The following ZBTB20 variants were observed in gnomAD, a reference collection of about 807,000 sequenced individuals.
ZBTB20 encodes zinc finger and BTB domain-containing protein 20.
A neutral mutation model predicts 56.9 loss-of-function variants in ZBTB20; 9 were observed. The observed-to-expected ratio is 0.16, with a 90% CI of 0.10 to 0.28. The LOEUF (loss-of-function observed/expected upper bound fraction) is 0.28. Among genes scored for constraint, ZBTB20 ranks in the 10% least tolerant of loss-of-function variants. The pLI, the probability that ZBTB20 is intolerant of heterozygous loss-of-function variation, is 1.00. For synonymous variants in ZBTB20, 417 were observed against 420.7 expected, an observed-to-expected ratio of 0.99 and a Z score of 0.11; for missense variants, 655 against 1,003.0, an observed-to-expected ratio of 0.65 and a Z score of 4.69.
intron 2 of ZBTB20, among the ~76,000 whole-genome samples, chr3:115,012,914 A>G (rs187138181): frequency 6.6e-6 from 1 of 151,834 alleles, no homozygotes; most frequent in African/African-American, 2.4e-5. Flanking sequence ...ACCAAGAGGA[A>G]TTCTGGAAAC....
chr3:114,972,976 T>C (rs2077949633), intron 3 of ZBTB20, among the ~76,000 whole-genome samples: 2 of 152,088 alleles, frequency 1.3e-5, no homozygotes, highest in South Asian at 4.1e-4. Flanking sequence ...AAATAAATAA[T>C]CTTATGGGGC....
At chr3:114,621,920 T>C (rs903495941) in intron 6 of ZBTB20, among the ~76,000 whole-genome samples, 1 of 152,198 alleles carries the variant, frequency 6.6e-6, no homozygotes, top group African/African-American at 2.4e-5. Flanking sequence ...TTCAATTTAG[T>C]CATGAAATTC....
intron 4 of ZBTB20, among the ~76,000 whole-genome samples, chr3:114,820,029 T>C (rs1474150436): frequency 6.6e-6 from 1 of 151,934 alleles, no homozygotes; most frequent in Non-Finnish European, 1.5e-5. Flanking sequence ...AGAATGTAGT[T>C]AGAAAAGCAC....
chr3:114,616,288 G>C (rs1377063078), intron 6 of ZBTB20, among the ~76,000 whole-genome samples: 1 of 152,170 alleles, frequency 6.6e-6, no homozygotes, highest in Non-Finnish European at 1.5e-5. Context: ...TAGCAAAAAT[G>C]AATGCAGCAA....
intron 5 of ZBTB20, among the ~76,000 whole-genome samples, chr3:114,708,803 C>CA (rs527816850): frequency 4.7e-4 from 71 of 152,144 alleles, no homozygotes; most frequent in African/African-American, 1.7e-3. Flanking sequence ...ACACAAAGTG[C>CA]AAAAAGACCA....
intron 4 of ZBTB20, among the ~76,000 whole-genome samples, chr3:114,851,894 T>C (rs1212654384): frequency 1.3e-5 from 2 of 152,162 alleles, no homozygotes; most frequent in African/African-American, 4.8e-5. Context: ...AAAAATTAAT[T>C]TTAAAAAGTT....
intron 6 of ZBTB20, among the ~76,000 whole-genome samples, chr3:114,688,660 T>C (rs2062502047): frequency 6.6e-6 from 1 of 152,134 alleles, no homozygotes; most frequent in South Asian, 2.1e-4. Flanking sequence ...AACAAAGACA[T>C]GATTAACCGA....
At chr3:115,103,903 G>C (rs988511405) in intron 1 of ZBTB20, among the ~76,000 whole-genome samples, 1 of 152,124 alleles carries the variant, frequency 6.6e-6, no homozygotes, top group Non-Finnish European at 1.5e-5. Context: ...TAAAGGTAAT[G>C]AAAAGACAAG....
intron 4 of ZBTB20, among the ~76,000 whole-genome samples, chr3:114,859,875 T>A (rs973413467): frequency 2.6e-5 from 4 of 152,280 alleles, no homozygotes; most frequent in Non-Finnish European, 4.4e-5. Flanking sequence ...TATATATAGG[T>A]TGAAATCTGA....
intron 3 of ZBTB20, among the ~76,000 whole-genome samples, chr3:114,906,868 T>G (rs2075338825): frequency 1.3e-5 from 2 of 151,808 alleles, no homozygotes; most frequent in South Asian, 4.2e-4. Context: ...TAGCGAGAAT[T>G]TCACAGCAGT....
chr3:114,729,956 A>ATTTTT (rs1229757252), intron 5 of ZBTB20, among the ~76,000 whole-genome samples: 35 of 119,410 alleles, frequency 2.9e-4, no homozygotes, highest in Non-Finnish European at 4.2e-4. Flanking sequence ...CATCCGGCTA[A>ATTTTT]TTTTTTTTTT....
intron 5 of ZBTB20, among the ~76,000 whole-genome samples, chr3:114,699,809 T>C (rs1436961434): frequency 6.6e-6 from 1 of 152,138 alleles, no homozygotes; most frequent in African/African-American, 2.4e-5. Flanking sequence ...AGAACTTACC[T>C]GTTCTTCTTC....
chr3:115,026,694 A>C (rs2080439531), intron 2 of ZBTB20, among the ~76,000 whole-genome samples: 1 of 150,696 alleles, frequency 6.6e-6, no homozygotes, highest in African/African-American at 2.4e-5. Flanking sequence ...AAAACATGTA[A>C]ATCATTTGTA....
chr3:114,388,478 G>A (rs2085421745), intron 8 of ZBTB20: 1 of 152,264 alleles, frequency 6.6e-6, no homozygotes, highest in Admixed American at 6.6e-5. Flanking sequence ...GAGCAGAGGT[G>A]AGCTGGATAC....
intron 6 of ZBTB20, among the ~76,000 whole-genome samples, chr3:114,604,442 G>A (rs1374610988): frequency 2.0e-5 from 3 of 151,832 alleles, no homozygotes; most frequent in Admixed American, 6.6e-5. Flanking sequence ...AAGTGAAGAC[G>A]TTTTTACATA....
chr3:114,913,425 T>C (rs2075621605), intron 3 of ZBTB20, among the ~76,000 whole-genome samples: 1 of 151,980 alleles, frequency 6.6e-6, no homozygotes, highest in Admixed American at 6.6e-5. Context: ...ATTTTTTATT[T>C]GGATTATTGG....
intron 4 of ZBTB20, among the ~76,000 whole-genome samples, chr3:114,826,325 G>A (rs2073527507): frequency 6.6e-6 from 1 of 151,448 alleles, no homozygotes; most frequent in African/African-American, 2.4e-5. Context: ...TTTCCCCCAA[G>A]AAAGACATCA....
At chr3:114,991,502 CT>C (rs1444630361) in intron 2 of ZBTB20, among the ~76,000 whole-genome samples, 28 of 152,178 alleles carry the variant, frequency 1.8e-4, no homozygotes, top group South Asian at 1.0e-3. Context: ...TTTACATTTG[CT>C]GAGGAGTGCT....
chr3:114,316,796 G>T lies in ZBTB20; in HGVS notation c.*22209C>A. ...GAGAAACCTGGGTTTGGTCATGCTG[G>T]GGGCTGACGTGGCAGTGCCAGGCTC... On this transcript the variant is annotated 3_prime_UTR_variant, in exon 12 of 12. Transcript: ENST00000675478. The T allele has an allele frequency of 3.4e-6, 1 of 290,140 alleles. No homozygotes were observed. The highest frequency in any genetic ancestry group is 6.9e-6 in the Non-Finnish European group (1 of 145,214). The allele number at this position is 290,140 out of a possible 1,614,324, so 18.0% of individuals were successfully genotyped here.
Sources: allele counts gnomAD v4.1 joint callset (sites outside exome capture counted in the v4.1 genomes callset), GRCh38; gene constraint gnomAD v4.1.1; transcripts MANE v1.5; gene names NCBI Gene and HGNC (gene_info 2026-07-23, HGNC 2026-07-21).